ASCC2: variants seen among roughly 807,000 people sequenced by gnomAD.
ASCC2 encodes ASC-1 complex subunit P100.
ASCC2 carries 42 observed loss-of-function variants against 93.5 expected under a neutral mutation model. That is an observed-to-expected ratio of 0.45 (90% CI 0.35 to 0.58). The LOEUF is 0.58. Among genes scored for constraint, ASCC2 ranks in the 20% least tolerant of loss-of-function variants. ASCC2 has a pLI of 0.00. For missense variants in ASCC2, 859 were observed against 977.6 expected (o/e 0.88, Z 1.62); for synonymous variants, 364 against 384.2 (o/e 0.95, Z 0.62).
chr22:29,812,720 GA>G (rs1270411053), intron 8 of ASCC2, among the ~76,000 whole-genome samples: 3 of 152,040 alleles, frequency 2.0e-5, no homozygotes, highest in African/African-American at 7.2e-5. Flanking sequence ...ACCTGCCTAG[GA>G]TGCCCTTCCT....
intron 19 of ASCC2, among the ~76,000 whole-genome samples, chr22:29,789,607 C>T (rs935464321): frequency 6.6e-6 from 1 of 152,234 alleles, no homozygotes; most frequent in South Asian, 2.1e-4. Context: ...CAGATGTGAC[C>T]TAGGGCCCTT....
chr22:29,828,183 T>C (rs2062696475), intron 2 of ASCC2, among the ~76,000 whole-genome samples: 1 of 152,110 alleles, frequency 6.6e-6, no homozygotes, highest in Non-Finnish European at 1.5e-5. Context: ...CATTCGAGGA[T>C]AAGGACTTCA....
chr22:29,825,134 T>C lies in ASCC2; in HGVS notation c.364A>G (p.Ser122Gly). The C allele has an allele frequency of 6.5e-7, 1 of 1,540,180 alleles. No individual in the cohort carries two copies. The highest frequency in any genetic ancestry group is 8.7e-7 in the Non-Finnish European group (1 of 1,144,802). Residue 122 changes from serine (S) to glycine (G), a missense_variant, in exon 4 of 20, where the codon AGT becomes GGT. Physicochemically the swap from Ser to Gly is moderately conservative, Grantham distance 56 (BLOSUM62 0). Coordinates refer to ENST00000307790, the MANE Select transcript of ASCC2 (RefSeq NM_032204.5). The surrounding 1 kb of genome is among the most constrained non-coding windows in gnomAD (Gnocchi z 4.9). ...ATGCGGAGGAAGGTGAGAAAAACAC[T>C]TCGATGGAGGCGCTTCTGCATGTCA... Reference protein sequence around the residue: ...VVDMQKRLHRSVFLTFLRMST... With the variant: ...VVDMQKRLHRGVFLTFLRMST...
chr22:29,832,534 C>T (rs991084256), intron 1 of ASCC2, 192 bp from the exon 2 acceptor site: 4 of 476,950 alleles, frequency 8.4e-6, no homozygotes, highest in Non-Finnish European at 1.5e-5. Context: ...TAAAGCAGTT[C>T]TCAATTGTAG....
chr22:29,820,517 G>A (rs568591709), intron 5 of ASCC2, among the ~76,000 whole-genome samples: 10 of 152,156 alleles, frequency 6.6e-5, no homozygotes, highest in African/African-American at 2.4e-4. Flanking sequence ...ACAGAGAAAA[G>A]ACTAGAAGGA....
rs1314034603 is a variant in ASCC2 at position 29,835,404 on chromosome 22, T to A, written c.-18+2774A>T. On this transcript the variant is annotated intron_variant, in intron 1 of 19. Transcript: ENST00000307790. ...CAGAGCAAGACCCTGTCCCAAAATT[T>A]AAAAAAAAAAAAAAAATTTTTTTTC... 2.8e-4 allele frequency among the ~76,000 whole-genome samples: 40 copies of A among 141,096 alleles called. 1 individual carries two copies. The highest frequency in any genetic ancestry group is 1.2e-3 in the East Asian group (6 of 4,954). 92.6% of individuals were successfully genotyped at this position (141,096 alleles called of 152,430 possible). A position where few individuals can be genotyped will look rare whatever the true frequency, so the allele number is the denominator to read the frequency against.
chr22:29,803,528 G>A (rs184492578), intron 13 of ASCC2, among the ~76,000 whole-genome samples: 1 of 152,242 alleles, frequency 6.6e-6, no homozygotes, highest in East Asian at 1.9e-4. Flanking sequence ...AACAGCCCTG[G>A]TTTCTACCAA....
chr22:29,825,639 C>G lies in ASCC2; in HGVS notation c.223G>C (p.Asp75His), dbSNP rs772979948. The G allele has an allele frequency of 3.7e-6, 6 of 1,614,032 alleles. No individual in the cohort carries two copies. Among genetic ancestry groups the G allele is most frequent in the Middle Eastern group, 1.6e-4 (1 of 6,084 alleles). ...DLDWLLALPHDKFWCQVIFDE... is the reference protein window; with the variant it reads ...DLDWLLALPHHKFWCQVIFDE... The stretch of plus-strand genomic sequence containing the variant: ...AATGTTACCTGGCACCAGAATTTAT[C>G]GTGAGGCAAGGCCAGGAGCCAGTCG... Residue 75 changes from aspartate (D) to histidine (H), a missense_variant, in exon 3 of 20, where the codon GAT becomes CAT. Asp to His is a moderately conservative substitution (Grantham distance 81). Transcript: ENST00000307790. This position sits in a 1 kb window ranked among gnomAD's most constrained non-coding sequence, Gnocchi z 4.9.
chr22:29,836,225 T>C (rs1220105145), intron 1 of ASCC2, among the ~76,000 whole-genome samples: 3 of 151,706 alleles, frequency 2.0e-5, no homozygotes, highest in Admixed American at 6.6e-5. Flanking sequence ...AGATAGGGGA[T>C]GACAGAAGTG....
intron 16 of ASCC2, 25 bp from the exon 17 acceptor site, chr22:29,793,515 G>T (rs185631950): frequency 1.2e-6 from 2 of 1,613,926 alleles, no homozygotes; most frequent in East Asian, 2.2e-5. Flanking sequence ...GCATGGGTCT[G>T]GGGGGCTCAG....
chr22:29,803,467 T>C (rs971869581), intron 13 of ASCC2, among the ~76,000 whole-genome samples: 1 of 152,058 alleles, frequency 6.6e-6, no homozygotes, highest in South Asian at 2.1e-4. Context: ...AGTTCAAAGA[T>C]GGCACAAAAC....
chr22:29,834,401 C>T (rs2148422717), intron 1 of ASCC2: 1 of 435,032 alleles, frequency 2.3e-6, no homozygotes, highest in South Asian at 1.7e-5. Context: ...ACCCAAGGAA[C>T]CTTGGTTCTG....
intron 15 of ASCC2, 112 bp from the exon 16 acceptor site, chr22:29,793,788 C>G (rs1253498190): frequency 3.1e-6 from 3 of 975,722 alleles, no homozygotes; most frequent in Admixed American, 2.3e-5. Context: ...CAGACTGTCA[C>G]GGAGACAAAT....
intron 15 of ASCC2, among the ~76,000 whole-genome samples, chr22:29,796,622 T>C (rs1279333151): frequency 6.6e-6 from 1 of 152,152 alleles, no homozygotes; most frequent in Non-Finnish European, 1.5e-5. Flanking sequence ...AAAGAAATCT[T>C]TCACATCCAC....
rs2058066172 is a variant in ASCC2 at position 29,793,679 on chromosome 22, G to C, written c.1689-3C>G. On this transcript the variant is annotated splice_region_variant and splice_polypyrimidine_tract_variant and intron_variant, in intron 15 of 19. Transcript: ENST00000307790. ...GCGTGTTTTCCTCCTTCCTGGTGCT[G>C]AGAAGGAACAGCAGAAAGAGAGGAA... 1 of 1,556,330 alleles carries C rather than the reference G, an allele frequency of 6.4e-7. No homozygotes were observed. The highest frequency in any genetic ancestry group is 2.4e-5 in the East Asian group (1 of 41,406).
chr22:29,805,459 C>A (rs2059563698), intron 12 of ASCC2, among the ~76,000 whole-genome samples: 1 of 152,138 alleles, frequency 6.6e-6, no homozygotes, highest in Admixed American at 6.5e-5. Flanking sequence ...CTGGGCCAGT[C>A]CATTCTCTTC....
chr22:29,801,330 T>G (rs901699065), intron 14 of ASCC2, among the ~76,000 whole-genome samples: 6 of 152,222 alleles, frequency 3.9e-5, no homozygotes, highest in African/African-American at 1.4e-4. Flanking sequence ...CTCCCCCTCA[T>G]TCTCTGCATG....
chr22:29,817,127 A>T (rs2035732842), intron 5 of ASCC2, among the ~76,000 whole-genome samples: 1 of 152,130 alleles, frequency 6.6e-6, no homozygotes, highest in Non-Finnish European at 1.5e-5. Context: ...ACTTTCCTGG[A>T]TGCCACTGCA....
At chr22:29,836,755 G>C (rs1373225730) in intron 1 of ASCC2, among the ~76,000 whole-genome samples, 1 of 152,142 alleles carries the variant, frequency 6.6e-6, no homozygotes, top group Non-Finnish European at 1.5e-5. Context: ...GTTTTGCCAT[G>C]CTGGCCAGGC....
Sources: gnomAD v4.1 joint callset for allele counts (sites outside exome capture counted in the v4.1 genomes callset) on GRCh38, gnomAD v4.1.1 for gene constraint, Gnocchi (gnomAD v3.1) non-coding constraint, MANE v1.5 for transcripts, NCBI Gene and HGNC (gene_info 2026-07-23, HGNC 2026-07-21) for gene names.